The following VPS11 variants were observed in gnomAD, a reference collection of about 807,000 sequenced individuals.
VPS11 encodes the protein vacuolar protein sorting-associated protein 11 homolog.
A neutral mutation model predicts 106.8 loss-of-function variants in VPS11; 51 were observed. The observed-to-expected ratio is 0.48, with a 90% CI of 0.38 to 0.60. The LOEUF (loss-of-function observed/expected upper bound fraction) is 0.60, where lower values mean the gene tolerates loss of function less well. VPS11 is among the 20% of genes least tolerant of loss of function. The probability of loss-of-function intolerance (pLI) is 0.00; values close to 1 mark genes in which losing one functional copy is unlikely to be tolerated. For missense variants in VPS11, 950 were observed against 1,190.0 expected, an observed-to-expected ratio of 0.80 and a Z score of 2.97; for synonymous variants, 453 against 458.7, an observed-to-expected ratio of 0.99 and a Z score of 0.16.
rs1196302306 is a variant in VPS11, at chr11:119,073,880, G to C, written c.1167G>C (p.Gln389His). The change falls in exon 7 of 16, where the codon CAG becomes CAC. Residue 389 changes from glutamine (Q) to histidine (H), a missense_variant. Physicochemically the swap from Gln to His is conservative, Grantham distance 24. Around this residue, in one of 3 missense-constraint regions of VPS11, gnomAD observed 435 missense variants for 630.2 expected, o/e 0.69. Transcript: ENST00000621676. ...ATCTGGACAGTGATGGGCTGGCCCAGATTTTCATGCAGTATGGAGACCATC... is the reference window on the plus strand; with the variant it reads ...ATCTGGACAGTGATGGGCTGGCCCACATTTTCATGCAGTATGGAGACCATC... ...SQHLDSDGLA[Q>H]IFMQYGDHLY... 3.1e-6 allele frequency: 5 copies of C among 1,613,832 alleles called. No individual in the cohort carries two copies. Among genetic ancestry groups the C allele is most frequent in the Non-Finnish European group, 3.4e-6 (4 of 1,179,886 alleles).
intron 7 of VPS11, among the ~76,000 whole-genome samples, chr11:119,075,542 T>TAAAA (rs1555202802): frequency 3.0e-4 from 33 of 111,614 alleles, no homozygotes; most frequent in African/African-American, 1.1e-3. Flanking sequence ...CTGTCTCCAC[T>TAAAA]AAAAAAAAAA....
chr11:119,071,591 G>A lies in VPS11; in HGVS notation c.637-5G>A. 6.2e-7 allele frequency: 1 copy of A among 1,613,726 alleles called. No individual in the cohort carries two copies. Among genetic ancestry groups the A allele is most frequent in the Non-Finnish European group, 8.5e-7 (1 of 1,179,710 alleles). ...GCCTGTTAACCCCTTTGTTGCTTCT[G>A]GCAGTCCTATATAGTTTCTGGAAAA... On this transcript the variant is annotated splice_region_variant and splice_polypyrimidine_tract_variant and intron_variant, in intron 4 of 15. Transcript: ENST00000621676.
chr11:119,081,466 G>T lies in VPS11; in HGVS notation c.2669G>T (p.Cys890Phe). 3 of 1,613,924 alleles carry T rather than the reference G, an allele frequency of 1.9e-6. No individual in the cohort carries two copies. The highest frequency in any genetic ancestry group is 2.5e-6 in the Non-Finnish European group (3 of 1,179,888). Residue 890 changes from cysteine (C) to phenylalanine (F), a missense_variant, in exon 16 of 16, where the codon TGC becomes TTC. By Grantham distance (205) the Cys-to-Phe change is radical. Around this residue, in one of 3 missense-constraint regions of VPS11, gnomAD observed 453 missense variants for 514.6 expected, o/e 0.88. Coordinates refer to ENST00000621676, the MANE Select transcript of VPS11 (RefSeq NM_021729.6). Reference protein sequence around the residue: ...LHDQFQHQLKCSNDSFSVIAD... With the variant: ...LHDQFQHQLKFSNDSFSVIAD... The stretch of plus-strand genomic sequence containing the variant: ...CCTCCTCTTCTCCTGCAGCTCAAGT[G>T]CTCCAATGACAGCTTTTCTGTGATT...
intron 11 of VPS11, 67 bp from the exon 12 acceptor site, chr11:119,078,498 G>A: frequency 6.3e-7 from 1 of 1,589,944 alleles, no homozygotes; most frequent in Non-Finnish European, 8.6e-7. Flanking sequence ...GAGTTGACTG[G>A]CTTTGTCCCA....
At chr11:119,070,429 G>T in intron 4 of VPS11, 32 bp downstream of exon 4, 1 of 1,583,866 alleles carries the variant, frequency 6.3e-7, no homozygotes. Flanking sequence ...TTAGGAGCAG[G>T]CAGGGAGGGC....
chr11:119,073,022 G>A, intron 5 of VPS11, 176 bp from the exon 6 acceptor site: 1 of 671,540 alleles, frequency 1.5e-6, no homozygotes, highest in Non-Finnish European at 2.5e-6. Context: ...GGTAAGATCA[G>A]GTTTATGTGT....
chr11:119,078,886 T>C lies in VPS11; in HGVS notation c.2155T>C (p.Leu719=), dbSNP rs1258426923. The change falls in exon 13 of 16, where the codon TTG becomes CTG. Residue 719 remains leucine, a synonymous_variant. Transcript: ENST00000621676. The stretch of plus-strand genomic sequence containing the variant: ...GCGCCATGGGGAGCAGGACCCCTCC[T>C]TGTGGGAGCAGGCCCTCAGCTACTT... The part of the protein sequence containing the change: ...CERHGEQDPS[L]WEQALSYFAR... 3 of 1,613,848 alleles carry C rather than the reference T, an allele frequency of 1.9e-6. No individual in the cohort carries two copies. Among genetic ancestry groups the C allele is most frequent in the Non-Finnish European group, 1.7e-6 (2 of 1,179,898 alleles).
chr11:119,068,608 G>C (rs888763863), intron 1 of VPS11, among the ~76,000 whole-genome samples: 1 of 151,462 alleles, frequency 6.6e-6, no homozygotes, highest in African/African-American at 2.4e-5. Context: ...CACCACACCC[G>C]GCTAATTTTT....
At chr11:119,071,195 G>T (rs1225060482) in intron 4 of VPS11, among the ~76,000 whole-genome samples, 1 of 152,120 alleles carries the variant, frequency 6.6e-6, no homozygotes, top group Non-Finnish European at 1.5e-5. Flanking sequence ...CACCCAAAGT[G>T]CTGGAATTAC....
Position 119,077,855 on chromosome 11 carries a change from T to C in VPS11, c.1573-23T>C, listed in dbSNP as rs76001104. 9.7e-4 allele frequency: 1,570 copies of C among 1,613,596 alleles called. 11 individuals carry two copies. The East Asian group carries it at 0.014, about 15-fold the overall frequency. On this transcript the variant is annotated intron_variant, in intron 9 of 15. Coordinates refer to ENST00000621676, the MANE Select transcript of VPS11 (RefSeq NM_021729.6). ...GTGGCTGAGGCAGGAGTATACACTA[T>C]TCTGCCCTTTACTTTTCCACAGAAT...
Position 119,068,001 on chromosome 11 carries a change from G to T in VPS11, c.178G>T (p.Val60Phe). 2 of 1,607,206 alleles carry T rather than the reference G, an allele frequency of 1.2e-6. No individual in the cohort carries two copies. The highest frequency in any genetic ancestry group is 1.7e-6 in the Non-Finnish European group (2 of 1,175,430). Residue 60 changes from valine (V) to phenylalanine (F), a missense_variant, in exon 1 of 16, where the codon GTC becomes TTC. Around this residue, in one of 3 missense-constraint regions of VPS11, gnomAD observed 435 missense variants for 630.2 expected, o/e 0.69. Coordinates refer to ENST00000621676, the MANE Select transcript of VPS11 (RefSeq NM_021729.6). ...TVCDSGRGSL[V>F]FGDMEGQIWF... ...CTGCGACTCAGGCCGAGGGAGCCTG[G>T]TCTTTGGAGATATCCTTCGTTTGGA...
chr11:119,070,939 T>TC (rs1945362798), intron 4 of VPS11, among the ~76,000 whole-genome samples: 1 of 125,066 alleles, frequency 8.0e-6, no homozygotes, highest in African/African-American at 3.7e-5. Context: ...TTTTTTTTTT[T>TC]TTTCTTTGAG....
In VPS11 at chr11:119,079,301, G is replaced by A; in HGVS notation, c.2438+1G>A. On this transcript the variant is annotated splice_donor_variant, in intron 14 of 15. Transcript: ENST00000621676. LOFTEE classifies it high-confidence loss of function. ...AGGAGATCCAAGAGCTCAAGGCCAG[G>A]TACCCGGGGCATGGATATGTGGAGG... The A allele has an allele frequency of 6.3e-7, 1 of 1,585,616 alleles. No homozygotes were observed. Among genetic ancestry groups the A allele is most frequent in the Non-Finnish European group, 8.6e-7 (1 of 1,166,574 alleles).
chr11:119,069,005 C>CCG (rs1555201667), intron 1 of VPS11, among the ~76,000 whole-genome samples, 191 bp from the exon 2 acceptor site: 1 of 66,552 alleles, frequency 1.5e-5, no homozygotes, highest in Non-Finnish European at 3.8e-5. Context: ...CACCCCCCCC[C>CCG]CCCCCCGGCC....
intron 1 of VPS11, among the ~76,000 whole-genome samples, 190 bp from the exon 2 acceptor site, chr11:119,069,006 C>CGCT (rs1491094351): frequency 4.6e-5 from 3 of 65,744 alleles, no homozygotes; most frequent in African/African-American, 1.4e-4. Flanking sequence ...ACCCCCCCCC[C>CGCT]CCCCCGGCCT....
At chr11:119,071,486 TAGAATGCCA>T in intron 4 of VPS11, 101 bp from the exon 5 acceptor site, 3 of 1,401,194 alleles carry the variant, frequency 2.1e-6, no homozygotes, top group Non-Finnish European at 2.9e-6. Context: ...AGAAAGACTT[TAGAATGCCA>T]AGAGGGAAAA....
rs562856072 is a variant in VPS11, at chr11:119,079,267, G to A, written c.2405G>A (p.Arg802His). The A allele has an allele frequency of 3.7e-6, 6 of 1,601,492 alleles. No individual in the cohort carries two copies. In the African/African-American group the frequency reaches 4.0e-5, roughly 11 times the overall value. The change falls in exon 14 of 16, where the codon CGT (arginine) becomes CAT (histidine). Residue 802 changes from arginine to histidine, a missense_variant. Arg to His is a conservative substitution (Grantham distance 29, BLOSUM62 0). Around this residue, in one of 3 missense-constraint regions of VPS11, gnomAD observed 453 missense variants for 514.6 expected, o/e 0.88. Transcript: ENST00000621676. Reference protein sequence around the residue: ...RVRRYREETTRIRQEIQELKA... With the variant: ...RVRRYREETTHIRQEIQELKA... The stretch of plus-strand genomic sequence containing the variant: ...CGGCGGTACCGAGAGGAGACCACCC[G>A]TATCCGCCAGGAGATCCAAGAGCTC...
chr11:119,070,469 G>A, intron 4 of VPS11, 72 bp downstream of exon 4: 1 of 1,412,212 alleles, frequency 7.1e-7, no homozygotes, highest in Non-Finnish European at 9.4e-7. Flanking sequence ...ATAGGGTAAT[G>A]AAGTGACAGG....
intron 3 of VPS11, among the ~76,000 whole-genome samples, chr11:119,069,952 C>T (rs541696791): frequency 4.3e-4 from 65 of 151,022 alleles, no homozygotes; most frequent in African/African-American, 1.4e-3. Flanking sequence ...GAGCCAAGAT[C>T]GCGCCATTGC....
Sources: allele counts gnomAD v4.1 joint callset (sites outside exome capture counted in the v4.1 genomes callset), GRCh38; gene constraint gnomAD v4.1.1; regional missense constraint gnomAD v4.1.1; transcripts MANE v1.5; gene names NCBI Gene and HGNC (gene_info 2026-07-23, HGNC 2026-07-21).